CASZ1: variants seen among roughly 807,000 people sequenced by gnomAD.
CASZ1 encodes castor zinc finger 1, also known as zinc finger protein castor homolog 1.
CASZ1 carries 28 observed loss-of-function variants against 135.2 expected under a neutral mutation model. That is an observed-to-expected ratio of 0.21 (90% confidence interval 0.15 to 0.28). The LOEUF (loss-of-function observed/expected upper bound fraction) is 0.28, where lower values mean the gene tolerates loss of function less well. Ranked by LOEUF, CASZ1 falls within the 10% of genes least tolerant of loss-of-function variation. The pLI is 1.00. For missense variants in CASZ1, 2,161 were observed against 2,453.3 expected, an observed-to-expected ratio of 0.88 and a Z score of 2.52; for synonymous variants, 1,068 against 1,073.4, an observed-to-expected ratio of 0.99 and a Z score of 0.10.
intron 4 of CASZ1, among the ~76,000 whole-genome samples, chr1:10,686,386 A>G (rs1437206836): frequency 1.3e-5 from 2 of 152,234 alleles, no homozygotes; most frequent in Non-Finnish European, 2.9e-5. Context: ...AACAGGTCAC[A>G]CACCAACTAT....
At position 10,694,369 on chromosome 1, in the gene CASZ1, C is replaced by G; in HGVS notation, c.-23-457G>C. ...ATAATACTTAATTAATGCCTAATTG[C>G]AACTGATTACTCCCCGAATAACAAG... On this transcript the variant is annotated intron_variant, in intron 3 of 20. Transcript: ENST00000377022. The surrounding 1 kb of genome is among the most constrained non-coding windows in gnomAD (Gnocchi z 6.6). The G allele has an allele frequency of 9.2e-7, 1 of 1,084,136 alleles. No individual in the cohort carries two copies. The highest frequency in any genetic ancestry group is 1.8e-5 in the South Asian group (1 of 55,354). 67.2% of individuals were successfully genotyped at this position (1,084,136 alleles called of 1,614,324 possible). A position where few individuals can be genotyped will look rare whatever the true frequency, so the allele number is the denominator to read the frequency against.
rs780809454 is a variant in CASZ1 at position 10,767,836 on chromosome 1, C to G, written c.-233-6979G>C. 2.0e-5 allele frequency among the ~76,000 whole-genome samples: 3 copies of G among 152,182 alleles called. No individual in the cohort carries two copies. The highest frequency in any genetic ancestry group is 6.5e-5 in the Admixed American group (1 of 15,278). On this transcript the variant is annotated intron_variant, in intron 1 of 20. Coordinates refer to ENST00000377022, the MANE Select transcript of CASZ1 (RefSeq NM_001079843.3). This position sits in a 1 kb window ranked among gnomAD's most constrained non-coding sequence, Gnocchi z 4.2. Reference sequence around the variant, plus strand: ...CCGGGGATCACTTCCCTCGCTGGCCCTGTCCACAGCCCTCGGCCCATGAGG... The same window carrying G: ...CCGGGGATCACTTCCCTCGCTGGCCGTGTCCACAGCCCTCGGCCCATGAGG...
chr1:10,764,779 G>A (rs979187569), intron 1 of CASZ1, among the ~76,000 whole-genome samples: 3 of 152,184 alleles, frequency 2.0e-5, no homozygotes, highest in Non-Finnish European at 4.4e-5. Context: ...ACCAGGCAGT[G>A]CTCACACGTC....
At chr1:10,782,256 G>A (rs891244677) in intron 1 of CASZ1, among the ~76,000 whole-genome samples, 2 of 152,224 alleles carry the variant, frequency 1.3e-5, no homozygotes, top group African/African-American at 4.8e-5. Flanking sequence ...GGGACACGGG[G>A]CCATTGGCGA....
At chr1:10,665,875 G>T (rs534986458) in intron 4 of CASZ1, among the ~76,000 whole-genome samples, 22 of 152,174 alleles carry the variant, frequency 1.4e-4, no homozygotes, top group Non-Finnish European at 3.2e-4. Context: ...TACAAGGGGC[G>T]CCCAGGTCCT....
chr1:10,655,991 G>A (rs1259365160), intron 8 of CASZ1, among the ~76,000 whole-genome samples, 178 bp from the exon 9 acceptor site: 1 of 152,180 alleles, frequency 6.6e-6, no homozygotes, highest in Non-Finnish European at 1.5e-5. Flanking sequence ...GCCCTTGGAG[G>A]GAACCATCCC....
intron 6 of CASZ1, 58 bp downstream of exon 6, chr1:10,659,644 G>A: frequency 7.2e-7 from 1 of 1,380,018 alleles, no homozygotes; most frequent in Non-Finnish European, 1.0e-6. Context: ...TGAGGAAGGA[G>A]GCCTCCTGTC....
chr1:10,665,033 T>C (rs1570440866), intron 5 of CASZ1, 50 bp downstream of exon 5: 1 of 1,481,982 alleles, frequency 6.7e-7, no homozygotes, highest in East Asian at 2.4e-5. Context: ...CCTTCCCCAC[T>C]GGCCTCCCTG....
intron 2 of CASZ1, among the ~76,000 whole-genome samples, chr1:10,758,309 G>A (rs1421579320): frequency 5.2e-5 from 7 of 134,866 alleles, no homozygotes; most frequent in Non-Finnish European, 1.1e-4. Flanking sequence ...ACAGACGCCA[G>A]ACCCTCTTCT....
In CASZ1 at chr1:10,697,920, G is replaced by C. The variant is rs961732120; in HGVS notation, c.-23-4008C>G. ...CCCGCTCCGGGGCCGATGGAGGGAG[G>C]GTGTCGGGAAAGCTGTGAGCCAGCG... On this transcript the variant is annotated intron_variant, in intron 3 of 20. Transcript: ENST00000377022. This position sits in a 1 kb window ranked among gnomAD's most constrained non-coding sequence, Gnocchi z 4.7. Among the ~76,000 whole-genome samples the C allele has an allele frequency of 1.3e-5, 2 of 152,254 alleles. No individual in the cohort carries two copies. Among genetic ancestry groups the C allele is most frequent in the African/African-American group, 2.4e-5 (1 of 41,462 alleles).
At chr1:10,660,579 G>A (rs778740536) in intron 5 of CASZ1, 43 bp from the exon 6 acceptor site, 1 of 1,541,894 alleles carries the variant, frequency 6.5e-7, no homozygotes, top group South Asian at 1.2e-5. Flanking sequence ...GGAGGGAGTG[G>A]GAGGGACAGG....
intron 1 of CASZ1, among the ~76,000 whole-genome samples, chr1:10,796,128 G>A (rs1641065935): frequency 6.6e-6 from 1 of 151,972 alleles, no homozygotes; most frequent in Non-Finnish European, 1.5e-5. Flanking sequence ...CCCCCCGGGA[G>A]CCCACAGCGC....
intron 2 of CASZ1, among the ~76,000 whole-genome samples, chr1:10,714,872 A>C (rs1310624080): frequency 1.3e-5 from 2 of 149,178 alleles, no homozygotes; most frequent in Non-Finnish European, 3.0e-5. Context: ...CCCTCTCCTC[A>C]GAGCTGCCTT....
intron 2 of CASZ1, among the ~76,000 whole-genome samples, chr1:10,737,688 G>A (rs1362811412): frequency 2.0e-5 from 3 of 152,238 alleles, no homozygotes; most frequent in Non-Finnish European, 4.4e-5. Context: ...CTCTCCTACT[G>A]CCTGCAGCTA....
At position 10,639,098 on chromosome 1, in the gene CASZ1, C is replaced by CTCG. The variant is rs768102868; in HGVS notation, c.5121_5123dup (p.Asp1707dup). ...TGCGCAGGTCCTCGTCGTCGTCGTC[C>CTCG]TCGTCGTCGTCCTCGTCGTCGTCGT... is the stretch of plus-strand genomic sequence containing the variant. On this transcript the variant is annotated inframe_insertion, in exon 21 of 21. Coordinates refer to ENST00000377022, the MANE Select transcript of CASZ1 (RefSeq NM_001079843.3). This position sits in a 1 kb window ranked among gnomAD's most constrained non-coding sequence, Gnocchi z 4.0. 1.5e-5 allele frequency: 17 copies of CTCG among 1,119,712 alleles called. No individual in the cohort carries two copies. Among genetic ancestry groups the CTCG allele is most frequent in the South Asian group, 2.2e-5 (1 of 46,350 alleles). 69.4% of individuals were successfully genotyped at this position (1,119,712 alleles called of 1,614,324 possible).
rs1640399306 is a variant in CASZ1 at position 10,762,637 on chromosome 1, C to T, written c.-233-1780G>A. ...AATCTCCATCTGCTGGGGGTCTCCA[C>T]TCCAATATCCCATCAGAACGAACCC... On this transcript the variant is annotated intron_variant, in intron 1 of 20. Transcript: ENST00000377022. This position sits in a 1 kb window ranked among gnomAD's most constrained non-coding sequence, Gnocchi z 4.1. Among the ~76,000 whole-genome samples, 1 of 152,186 alleles carries T rather than the reference C, an allele frequency of 6.6e-6. No individual in the cohort carries two copies. Among genetic ancestry groups the T allele is most frequent in the Non-Finnish European group, 1.5e-5 (1 of 68,040 alleles).
Position 10,701,705 on chromosome 1 carries a change from C to G in CASZ1, c.-24+3787G>C, listed in dbSNP as rs1570498615. ...TGTCGTGAATGAAGACTCGGCCGAT[C>G]AGGCTGCTGGTTTGAGGGCTGGCAG... On this transcript the variant is annotated intron_variant, in intron 3 of 20. Transcript: ENST00000377022. This position sits in a 1 kb window ranked among gnomAD's most constrained non-coding sequence, Gnocchi z 6.3. Among the ~76,000 whole-genome samples, 1 of 152,216 alleles carries G rather than the reference C, an allele frequency of 6.6e-6. No individual in the cohort carries two copies. Among genetic ancestry groups the G allele is most frequent in the Admixed American group, 6.5e-5 (1 of 15,292 alleles).
At chr1:10,768,595 A>G (rs909237377) in intron 1 of CASZ1, among the ~76,000 whole-genome samples, 6 of 152,102 alleles carry the variant, frequency 3.9e-5, no homozygotes, top group Non-Finnish European at 7.4e-5. Context: ...GGTGAGGAGG[A>G]GGCATCCTGG....
chr1:10,750,769 G>A (rs147726997), intron 2 of CASZ1, among the ~76,000 whole-genome samples: 38 of 152,192 alleles, frequency 2.5e-4, no homozygotes, highest in Non-Finnish European at 4.1e-4. Context: ...GCATGGTGGC[G>A]CGACCTGTAA....
Sources: gnomAD v4.1 joint callset for allele counts (sites outside exome capture counted in the v4.1 genomes callset) on GRCh38, gnomAD v4.1.1 for gene constraint, Gnocchi (gnomAD v3.1) non-coding constraint, MANE v1.5 for transcripts, NCBI Gene and HGNC (gene_info 2026-07-23, HGNC 2026-07-21) for gene names.